Variants in STK33 observed in about 807,000 individuals in gnomAD.
STK33 encodes the protein serine/threonine kinase 33, also known as serine/threonine-protein kinase 33.
Under a neutral mutation model 58.0 loss-of-function variants are expected in STK33, and 52 were observed. The observed-to-expected ratio is 0.90, with a 90% CI of 0.72 to 1.13. The LOEUF is 1.13. Ranked by LOEUF, STK33 falls within the 50% of genes most tolerant of loss-of-function variation. STK33 has a pLI of 0.00. For synonymous variants in STK33, 215 were observed against 200.1 expected (o/e 1.07, Z -0.63); for missense variants, 630 against 604.2 (o/e 1.04, Z -0.45).
At chr11:8,382,926 T>C in the STK33 span, among the ~76,000 whole-genome samples, 1 of 152,130 alleles carries the variant, frequency 6.6e-6, no homozygotes, top group Non-Finnish European at 1.5e-5. Context: ...GGCAACACAC[T>C]GCAAAAAGCC....
the STK33 span, among the ~76,000 whole-genome samples, chr11:8,358,843 T>C: frequency 6.6e-6 from 1 of 152,154 alleles, no homozygotes; most frequent in Non-Finnish European, 1.5e-5. Context: ...CCTTCCCACA[T>C]AGTTATTAAT....
intron 1 of STK33, among the ~76,000 whole-genome samples, chr11:8,568,445 T>C (rs146429482): frequency 1.3e-5 from 2 of 152,262 alleles, no homozygotes; most frequent in African/African-American, 4.8e-5. Context: ...ATTACAAAAA[T>C]GAATACCACA....
intron 12 of STK33, among the ~76,000 whole-genome samples, chr11:8,437,295 A>G (rs1944196716): frequency 6.6e-6 from 1 of 152,358 alleles, no homozygotes; most frequent in Non-Finnish European, 1.5e-5. Flanking sequence ...TATTACTTCA[A>G]TAAGTGATCT....
intron 11 of STK33, among the ~76,000 whole-genome samples, chr11:8,451,414 A>C (rs1450403250): frequency 1.3e-5 from 2 of 152,222 alleles, no homozygotes; most frequent in African/African-American, 4.8e-5. Flanking sequence ...AGAAGAGCAG[A>C]CTACAGATAC....
At chr11:8,355,823 T>C in the STK33 span, among the ~76,000 whole-genome samples, 1 of 152,208 alleles carries the variant, frequency 6.6e-6, no homozygotes, top group Non-Finnish European at 1.5e-5. Context: ...GTGCCTGGCA[T>C]GTCGGAAGCG....
chr11:8,456,909 A>G (rs1406847868), intron 9 of STK33, among the ~76,000 whole-genome samples: 10 of 152,154 alleles, frequency 6.6e-5, no homozygotes, highest in African/African-American at 1.9e-4. Context: ...CAGGTTGTGC[A>G]TAAGTGCGAG....
chr11:8,543,763 T>C (rs999554945), intron 1 of STK33, among the ~76,000 whole-genome samples: 1 of 152,178 alleles, frequency 6.6e-6, no homozygotes, highest in African/African-American at 2.4e-5. Context: ...AGATTATCTG[T>C]AATACAAAGG....
chr11:8,483,136 C>T (rs995160681), intron 1 of STK33, among the ~76,000 whole-genome samples: 6 of 152,054 alleles, frequency 3.9e-5, no homozygotes, highest in Non-Finnish European at 8.8e-5. Context: ...ATCATTATTA[C>T]TCACTTGCTG....
chr11:8,523,083 C>T lies in STK33; in HGVS notation c.-465-42469G>A, dbSNP rs1388881446. 2.0e-5 allele frequency among the ~76,000 whole-genome samples: 3 copies of T among 152,242 alleles called. No individual in the cohort carries two copies. The East Asian group carries it at 5.8e-4, about 29-fold the overall frequency. On this transcript the variant is annotated intron_variant, in intron 1 of 15. Coordinates refer to ENST00000687296, the MANE Select transcript of STK33 (RefSeq NM_001352389.2). ...TGCCGGGATTGCAGACGGAGTCTCG[C>T]TCACTCAGTGCTCAATGTTGCCCAG...
chr11:8,390,411 T>C (rs1196692477), downstream of STK33, among the ~76,000 whole-genome samples: 3 of 152,166 alleles, frequency 2.0e-5, no homozygotes, highest in African/African-American at 4.8e-5. Context: ...CAATCTGAAA[T>C]GGAAGAGCGC....
At chr11:8,570,870 A>C (rs1423218537) in intron 1 of STK33, among the ~76,000 whole-genome samples, 1 of 152,194 alleles carries the variant, frequency 6.6e-6, no homozygotes. Flanking sequence ...TGGCAATTAC[A>C]TCTCAGTAAA....
At chr11:8,341,911 G>A in the STK33 span, among the ~76,000 whole-genome samples, 3 of 152,204 alleles carry the variant, frequency 2.0e-5, no homozygotes, top group African/African-American at 7.2e-5. Context: ...CCACCTGCCA[G>A]GCACAGCAAA....
At chr11:8,417,032 A>C (rs764829994) in intron 14 of STK33, among the ~76,000 whole-genome samples, 1 of 152,188 alleles carries the variant, frequency 6.6e-6, no homozygotes, top group Non-Finnish European at 1.5e-5. Context: ...AGTTCAACAG[A>C]AATTACAAAT....
intron 11 of STK33, among the ~76,000 whole-genome samples, chr11:8,443,926 G>A (rs1454318720): frequency 1.3e-5 from 2 of 152,186 alleles, no homozygotes; most frequent in East Asian, 3.8e-4. Context: ...AGGAACGTTT[G>A]AGCCTAGGAG....
chr11:8,430,030 GA>G (rs1274966042), intron 14 of STK33, among the ~76,000 whole-genome samples: 2 of 152,160 alleles, frequency 1.3e-5, no homozygotes, highest in African/African-American at 4.8e-5. Context: ...GGACAAAAGA[GA>G]AAACTCACAC....
intron 14 of STK33, among the ~76,000 whole-genome samples, chr11:8,417,592 A>T (rs757648656): frequency 6.6e-6 from 1 of 152,202 alleles, no homozygotes; most frequent in Non-Finnish European, 1.5e-5. Flanking sequence ...CTGGATCTTT[A>T]GCATGCAGTC....
chr11:8,392,932 C>G (rs1394754614), intron 15 of STK33, among the ~76,000 whole-genome samples: 1 of 152,188 alleles, frequency 6.6e-6, no homozygotes, highest in Non-Finnish European at 1.5e-5. Flanking sequence ...GCAAACTCTA[C>G]AGGCTCAATT....
chr11:8,416,399 T>C (rs953913759), intron 14 of STK33, among the ~76,000 whole-genome samples: 3 of 151,120 alleles, frequency 2.0e-5, no homozygotes, highest in African/African-American at 7.4e-5. Flanking sequence ...TAAATTACAG[T>C]GTACTAAATG....
At chr11:8,450,545 T>TA (rs1402584783) in intron 11 of STK33, among the ~76,000 whole-genome samples, 1 of 151,896 alleles carries the variant, frequency 6.6e-6, no homozygotes, top group African/African-American at 2.4e-5. Context: ...TCTTAGAACT[T>TA]AAAGTATAAT....
Sources: allele counts gnomAD v4.1 joint callset (sites outside exome capture counted in the v4.1 genomes callset), GRCh38; gene constraint gnomAD v4.1.1; transcripts MANE v1.5; gene names NCBI Gene and HGNC (gene_info 2026-07-23, HGNC 2026-07-21).